PER2: variants seen among roughly 807,000 people sequenced by gnomAD.
PER2 encodes the protein period circadian protein homolog 2.
Under a neutral mutation model 121.0 loss-of-function variants are expected in PER2, and 66 were observed. The observed-to-expected ratio is 0.55, with a 90% CI of 0.45 to 0.67. PER2 has a LOEUF of 0.67. Among genes scored for constraint, PER2 ranks in the 30% least tolerant of loss-of-function variants. The pLI is 0.00. For synonymous variants in PER2, 684 were observed against 659.9 expected (o/e 1.04, Z -0.56); for missense variants, 1,521 against 1,635.0 (o/e 0.93, Z 1.20).
intron 2 of PER2, 33 bp downstream of exon 2, chr2:238,277,674 C>T (rs771534556): frequency 1.2e-6 from 2 of 1,612,250 alleles, no homozygotes. Context: ...AAACAACCTG[C>T]CCAGCCTCCA....
chr2:238,289,305 T>TCA (rs896027369), upstream of PER2: 48 of 152,300 alleles, frequency 3.2e-4, no homozygotes, highest in African/African-American at 1.1e-3. Flanking sequence ...ACTCATTCAC[T>TCA]CACTCATTCA....
At chr2:238,276,145 T>G (rs978275294) in intron 3 of PER2, among the ~76,000 whole-genome samples, 7 of 148,352 alleles carry the variant, frequency 4.7e-5, no homozygotes, top group Non-Finnish European at 1.0e-4. Flanking sequence ...GGTGGCCCTT[T>G]GTGGGGCTCT....
intron 21 of PER2, 128 bp downstream of exon 21, chr2:238,250,422 TG>T: frequency 1.4e-6 from 1 of 721,848 alleles, no homozygotes; most frequent in Non-Finnish European, 2.4e-6. Flanking sequence ...GCTTCTCTGC[TG>T]CACTCAGCTA....
At chr2:238,285,061 G>C (rs1168726521) in intron 1 of PER2, among the ~76,000 whole-genome samples, 1 of 152,242 alleles carries the variant, frequency 6.6e-6, no homozygotes, top group Non-Finnish European at 1.5e-5. Context: ...GGGTACCAAA[G>C]CCCAGGAGGG....
Position 238,253,565 on chromosome 2 carries a change from G to A in PER2, c.2458C>T (p.Arg820Trp), listed in dbSNP as rs768573295. The change falls in exon 19 of 23, where the codon CGG becomes TGG. Residue 820 changes from arginine (R) to tryptophan (W), a missense_variant. Transcript: ENST00000254657. This position sits in a 1 kb window ranked among gnomAD's most constrained non-coding sequence, Gnocchi z 5.6. Reference sequence around the variant, plus strand: ...GCGTTCAAGCCCACCAGCGGGGGCCGGGCGGACACGGGCCCCCCAGATCCG... The same window carrying A: ...GCGTTCAAGCCCACCAGCGGGGGCCAGGCGGACACGGGCCCCCCAGATCCG... ...STGSGGPVSA[R>W]PPLVGLNATA... 26 of 1,609,530 alleles carry A rather than the reference G, an allele frequency of 1.6e-5. 1 individual carries two copies. The highest frequency in any genetic ancestry group is 1.3e-4 in the East Asian group (6 of 44,798).
chr2:238,268,154 CGGAAG>C lies in PER2; in HGVS notation c.864_868del (p.Phe289HisfsTer15). 6.2e-7 allele frequency: 1 copy of C among 1,614,064 alleles called. No individual in the cohort carries two copies. Among genetic ancestry groups the C allele is most frequent in the Non-Finnish European group, 8.5e-7 (1 of 1,179,980 alleles). ...CACCTTGACCAGGTAGGGCGTCATGCGGAAGGGGTGGTAGCGGATTTCATTCTCGT... is the reference window on the plus strand; with the variant it reads ...CACCTTGACCAGGTAGGGCGTCATGCGGGTGGTAGCGGATTTCATTCTCGT... On this transcript the variant is annotated frameshift_variant, in exon 8 of 23. Coordinates refer to ENST00000254657, the MANE Select transcript of PER2 (RefSeq NM_022817.3). LOFTEE classifies it high-confidence loss of function. This position sits in a 1 kb window ranked among gnomAD's most constrained non-coding sequence, Gnocchi z 4.0.
At chr2:238,275,641 T>G in intron 4 of PER2, 102 bp downstream of exon 4, 36 of 1,310,682 alleles carry the variant, frequency 2.7e-5, no homozygotes, top group Non-Finnish European at 3.0e-5. Flanking sequence ...TGAGCTGCGA[T>G]GAGCCTCGAG....
chr2:238,255,429 A>C, intron 18 of PER2: 4 of 602,898 alleles, frequency 6.6e-6, no homozygotes, highest in Non-Finnish European at 1.2e-5. Context: ...CACCTCGGGC[A>C]CTAGCCTGGG....
chr2:238,288,732 C>G (rs993341650), upstream of PER2: 2 of 152,192 alleles, frequency 1.3e-5, no homozygotes, highest in Non-Finnish European at 2.9e-5. Flanking sequence ...CGCCGCCGCC[C>G]ACAGCTGCAC....
At chr2:238,280,253 G>GC (rs753697045) in intron 1 of PER2, among the ~76,000 whole-genome samples, 58 of 152,354 alleles carry the variant, frequency 3.8e-4, no homozygotes, top group Non-Finnish European at 7.2e-4. Context: ...CCCAGGTCGA[G>GC]CCCATTCGCC....
Position 238,268,046 on chromosome 2 carries a change from T to C in PER2, c.967+10A>G. ...ACAACATCTGCCCTCGCCCTGGGCT[T>C]GGCTGTTACCTTCATAACCAGAGTG... On this transcript the variant is annotated intron_variant, in intron 8 of 22. Transcript: ENST00000254657. The surrounding 1 kb of genome is among the most constrained non-coding windows in gnomAD (Gnocchi z 4.0). 6.2e-7 allele frequency: 1 copy of C among 1,613,704 alleles called. No homozygotes were observed. The highest frequency in any genetic ancestry group is 8.5e-7 in the Non-Finnish European group (1 of 1,179,960).
At chr2:238,263,175 C>A (rs540101891) in intron 9 of PER2, 117 bp from the exon 10 acceptor site, 51 of 713,530 alleles carry the variant, frequency 7.1e-5, no homozygotes, top group South Asian at 6.8e-4. Flanking sequence ...ACCCCCTCCC[C>A]CACCCCCGGA....
At chr2:238,294,149 C>T (rs1263627056), upstream of PER2, among the ~76,000 whole-genome samples, 2 of 152,214 alleles carry the variant, frequency 1.3e-5, no homozygotes, top group African/African-American at 2.4e-5. Flanking sequence ...GGTCTCTCAT[C>T]GGTCAGGGTG....
chr2:238,268,796 G>C lies in PER2; in HGVS notation c.824+127C>G. The C allele has an allele frequency of 1.1e-5, 8 of 734,260 alleles. No individual in the cohort carries two copies. The highest frequency in any genetic ancestry group is 5.0e-4 in the Middle Eastern group (2 of 3,982). 45.5% of individuals were successfully genotyped at this position (734,260 alleles called of 1,614,324 possible). A position where few individuals can be genotyped will look rare whatever the true frequency, so the allele number is the denominator to read the frequency against. On this transcript the variant is annotated intron_variant, in intron 7 of 22. Transcript: ENST00000254657. This position sits in a 1 kb window ranked among gnomAD's most constrained non-coding sequence, Gnocchi z 4.0. ...ATGTAACTGACTGTGTTTTCTGGTAGACTTCAGAAACAGGCGTGCTGAGTC... is the reference window on the plus strand; with the variant it reads ...ATGTAACTGACTGTGTTTTCTGGTACACTTCAGAAACAGGCGTGCTGAGTC...
At chr2:238,273,322 G>T in intron 4 of PER2, 131 bp from the exon 5 acceptor site, 1 of 963,908 alleles carries the variant, frequency 1.0e-6, no homozygotes, top group Non-Finnish European at 1.6e-6. Context: ...GTCTTCCTGG[G>T]ACACAGAACA....
rs1341321984 is a variant in PER2 at position 238,253,362 on chromosome 2, G to A, written c.2661C>T (p.His887=). The change falls in exon 19 of 23, where the codon CAC becomes CAT. Residue 887 remains histidine (H), a synonymous_variant. Transcript: ENST00000254657. This position sits in a 1 kb window ranked among gnomAD's most constrained non-coding sequence, Gnocchi z 5.6. ...TVPAVPVDLQ[H]QFAVQPPPFP... ...AAGGTGGGGGCTGGACTGCAAACTG[G>A]TGCTGGAGGTCCACGGGCACAGCAG... 1.9e-6 allele frequency: 3 copies of A among 1,613,322 alleles called. No homozygotes were observed. The highest frequency in any genetic ancestry group is 1.1e-5 in the South Asian group (1 of 91,000).
rs1180640595 is a variant in PER2 at position 238,250,545 on chromosome 2, G to A, written c.3467+6C>T. 1 of 1,607,102 alleles carries A rather than the reference G, an allele frequency of 6.2e-7. No homozygotes were observed. The highest frequency in any genetic ancestry group is 8.5e-7 in the Non-Finnish European group (1 of 1,175,902). On this transcript the variant is annotated splice_donor_region_variant and intron_variant, in intron 21 of 22. Coordinates refer to ENST00000254657, the MANE Select transcript of PER2 (RefSeq NM_022817.3). ...CCAGGTGCCTAGGAAAACGCTGGGT[G>A]GTTACCGGGAAGGCAGCTGGTACGT...
At chr2:238,290,899 A>G (rs971238930), upstream of PER2, among the ~76,000 whole-genome samples, 5 of 152,218 alleles carry the variant, frequency 3.3e-5, no homozygotes, top group Non-Finnish European at 5.9e-5. Flanking sequence ...AACAGAGGAC[A>G]GCGCTCAGGG....
In PER2 at chr2:238,288,395, C is replaced by T. The variant is rs1244529768; in HGVS notation, c.-66G>A. Reference sequence around the variant, plus strand: ...AGCTGCGAAGCGGGGGTTCGAGTCCCCAACCCTCGGTGTCACCGCAGTTCA... The same window carrying T: ...AGCTGCGAAGCGGGGGTTCGAGTCCTCAACCCTCGGTGTCACCGCAGTTCA... On this transcript the variant is annotated 5_prime_UTR_variant, in exon 1 of 23. Transcript: ENST00000254657. 6.6e-6 allele frequency: 1 copy of T among 152,338 alleles called. No homozygotes were observed. Among genetic ancestry groups the T allele is most frequent in the African/African-American group, 2.4e-5 (1 of 41,474 alleles). The allele number at this position is 152,338 out of a possible 1,614,324, so 9.4% of individuals were successfully genotyped here. A position where few individuals can be genotyped will look rare whatever the true frequency, so the allele number is the denominator to read the frequency against.
Sources: allele counts gnomAD v4.1 joint callset (sites outside exome capture counted in the v4.1 genomes callset), GRCh38; gene constraint gnomAD v4.1.1; non-coding constraint Gnocchi (gnomAD v3.1); transcripts MANE v1.5; gene names NCBI Gene and HGNC (gene_info 2026-07-23, HGNC 2026-07-21).